ZNF423: variants seen among roughly 807,000 people sequenced by gnomAD.
The protein encoded by ZNF423 is Ebf-associated zinc finger protein.
A neutral mutation model predicts 95.8 loss-of-function variants in ZNF423; 12 were observed. That is an observed-to-expected ratio of 0.13 (90% confidence interval 0.08 to 0.20). The LOEUF (loss-of-function observed/expected upper bound fraction) is 0.20, where lower values mean the gene tolerates loss of function less well. Among genes scored for constraint, ZNF423 ranks in the 10% least tolerant of loss-of-function variants. The pLI is 1.00. For missense variants in ZNF423, 1,316 were observed against 1,737.1 expected, an observed-to-expected ratio of 0.76 and a Z score of 4.31; for synonymous variants, 749 against 711.9, an observed-to-expected ratio of 1.05 and a Z score of -0.83.
chr16:49,731,090 T>C, intron 2 of ZNF423, 119 bp from the exon 3 acceptor site: 4 of 1,153,100 alleles, frequency 3.5e-6, no homozygotes, highest in Non-Finnish European at 5.0e-6. Context: ...GGGTCCATTA[T>C]CCTTGACACC....
At chr16:49,615,232 C>A (rs1392526335) in intron 5 of ZNF423, among the ~76,000 whole-genome samples, 7 of 151,886 alleles carry the variant, frequency 4.6e-5, no homozygotes, top group African/African-American at 9.7e-5. Context: ...GGAGAGGGTG[C>A]AGGGTTGCCA....
At chr16:49,539,103 CA>C (rs1969159195) in intron 5 of ZNF423, among the ~76,000 whole-genome samples, 1 of 150,722 alleles carries the variant, frequency 6.6e-6, no homozygotes, top group Non-Finnish European at 1.5e-5. Context: ...CCTTCAGTGG[CA>C]GCAGGCACAG....
intron 5 of ZNF423, among the ~76,000 whole-genome samples, chr16:49,625,106 T>C (rs941379023): frequency 6.6e-6 from 1 of 152,122 alleles, no homozygotes; most frequent in Admixed American, 6.5e-5. Flanking sequence ...AGGCCAGGCG[T>C]GGTGGCTCAC....
intron 1 of ZNF423, among the ~76,000 whole-genome samples, chr16:49,825,637 A>C (rs2034997308): frequency 6.6e-6 from 1 of 152,158 alleles, no homozygotes. Context: ...GCAAGAAAAA[A>C]AAAATCTTTT....
intron 3 of ZNF423, among the ~76,000 whole-genome samples, chr16:49,647,931 T>TG (rs1973241213): frequency 6.6e-6 from 1 of 152,290 alleles, no homozygotes; most frequent in African/African-American, 2.4e-5. Flanking sequence ...GCTCTGGAAT[T>TG]GGGCAGCGAT....
intron 1 of ZNF423, 103 bp from the exon 2 acceptor site, chr16:49,789,649 T>G (rs1413345568): frequency 1.8e-6 from 2 of 1,118,764 alleles, no homozygotes; most frequent in Admixed American, 6.2e-5. Context: ...GGGTCCTTAT[T>G]ATAATACCCA....
intron 3 of ZNF423, among the ~76,000 whole-genome samples, chr16:49,666,448 A>G (rs1036390709): frequency 2.1e-4 from 32 of 152,246 alleles, no homozygotes; most frequent in African/African-American, 7.5e-4. Flanking sequence ...CACGTATTAA[A>G]CCAGCTACAT....
chr16:49,793,142 A>T (rs1462922198), intron 1 of ZNF423, among the ~76,000 whole-genome samples: 1 of 152,010 alleles, frequency 6.6e-6, no homozygotes. Flanking sequence ...CTACCCAGCA[A>T]TGAGTGTGAG....
At chr16:49,688,719 G>A (rs118189950) in intron 3 of ZNF423, among the ~76,000 whole-genome samples, 4 of 152,340 alleles carry the variant, frequency 2.6e-5, no homozygotes, top group East Asian at 3.9e-4. Context: ...TGTTATTCAC[G>A]TGATAAATGA....
chr16:49,636,494 G>A lies in ZNF423; in HGVS notation c.2682C>T (p.Tyr894=), dbSNP rs763145316. 2.6e-5 allele frequency: 42 copies of A among 1,613,584 alleles called. No homozygotes were observed. Among genetic ancestry groups the A allele is most frequent in the East Asian group, 4.5e-5 (2 of 44,890 alleles). The change falls in exon 4 of 8, where the codon TAC becomes TAT. Residue 894 remains tyrosine (Y), a synonymous_variant. Coordinates refer to ENST00000563137, the MANE Select transcript of ZNF423 (RefSeq NM_001379286.1). This position sits in a 1 kb window ranked among gnomAD's most constrained non-coding sequence, Gnocchi z 8.6. ...EDDVDASEPM[Y]GCDICGAAYT... ...AGGCCGCCCCACAGATGTCACAGCC[G>A]TACATGGGCTCCGACGCGTCCACGT...
intron 1 of ZNF423, chr16:49,822,660 C>T (rs2034959090): frequency 6.2e-7 from 1 of 1,609,258 alleles, no homozygotes; most frequent in South Asian, 1.1e-5. Flanking sequence ...CCAAGGCCTC[C>T]CCTGCTCACC....
intron 3 of ZNF423, among the ~76,000 whole-genome samples, chr16:49,653,040 A>T (rs1973470627): frequency 6.6e-6 from 1 of 152,220 alleles, no homozygotes; most frequent in Admixed American, 6.5e-5. Context: ...TGCTCTGTGA[A>T]TCAATAATAA....
At chr16:49,527,208 T>C (rs923820342) in intron 5 of ZNF423, among the ~76,000 whole-genome samples, 1 of 152,078 alleles carries the variant, frequency 6.6e-6, no homozygotes, top group Admixed American at 6.5e-5. Context: ...CTGCCCCACA[T>C]AGCCCACTGG....
chr16:49,503,110 A>G lies in ZNF423; in HGVS notation c.3850-11806T>C, dbSNP rs190027939. On this transcript the variant is annotated intron_variant, in intron 7 of 7. Transcript: ENST00000563137. ...ACCCCAGTCCTGACACTAACCATGT[A>G]GTGCTAAGCGGTCAGAGGCCAGTTA... Among the ~76,000 whole-genome samples, 3 of 152,030 alleles carry G rather than the reference A, an allele frequency of 2.0e-5. No homozygotes were observed. The East Asian group carries it at 5.8e-4, about 29-fold the overall frequency.
At chr16:49,678,398 C>T (rs1022327896) in intron 3 of ZNF423, among the ~76,000 whole-genome samples, 1 of 152,064 alleles carries the variant, frequency 6.6e-6, no homozygotes, top group Admixed American at 6.6e-5. Context: ...GGCGTTCGAG[C>T]TCTGTATCAG....
At position 49,621,543 on chromosome 16, in the gene ZNF423, G is replaced by T. The variant is rs192534707; in HGVS notation, c.3601+4627C>A. 9.7e-4 allele frequency among the ~76,000 whole-genome samples: 147 copies of T among 152,272 alleles called. 1 individual carries two copies. Among genetic ancestry groups the T allele is most frequent in the African/African-American group, 3.4e-3 (141 of 41,558 alleles). ...GCAGGGGAGCTCTCCAGCAGTCCGGGTCCCAGGGGAGGCCTGCCTCAGACC... is the reference window on the plus strand; with the variant it reads ...GCAGGGGAGCTCTCCAGCAGTCCGGTTCCCAGGGGAGGCCTGCCTCAGACC... On this transcript the variant is annotated intron_variant, in intron 5 of 7. Transcript: ENST00000563137.
intron 7 of ZNF423, among the ~76,000 whole-genome samples, chr16:49,509,099 C>T (rs1469691976): frequency 6.6e-6 from 1 of 152,140 alleles, no homozygotes; most frequent in Non-Finnish European, 1.5e-5. Flanking sequence ...CAGTTGTTCC[C>T]GTTTGACCGA....
Position 49,674,734 on chromosome 16 carries a change from C to T in ZNF423, c.302-35860G>A, listed in dbSNP as rs564106571. Among the ~76,000 whole-genome samples the T allele has an allele frequency of 2.0e-5, 3 of 152,294 alleles. No individual in the cohort carries two copies. In the East Asian group the frequency reaches 5.8e-4, roughly 29 times the overall value. On this transcript the variant is annotated intron_variant, in intron 3 of 7. Transcript: ENST00000563137. ...ACGGGGCTGCAGCCACAGGGATGCT[C>T]TGAGGCCTTGGAACAGATGGGAAGG...
In ZNF423 at chr16:49,726,856, C is replaced by CAAAAAAA. The variant is rs368675702; in HGVS notation, c.301+3908_301+3914dup. On this transcript the variant is annotated intron_variant, in intron 3 of 7. Coordinates refer to ENST00000563137, the MANE Select transcript of ZNF423 (RefSeq NM_001379286.1). ...ATTTAAAAGACAGAGTTCCCCCTAG[C>CAAAAAAA]AAAAAAAAAAAAAAAAAAAAAAAAA... Among the ~76,000 whole-genome samples, 258 of 94,712 alleles carry CAAAAAAA rather than the reference C, an allele frequency of 2.7e-3. 13 individuals carry two copies. Among genetic ancestry groups the CAAAAAAA allele is most frequent in the Middle Eastern group, 0.014 (2 of 138 alleles). The allele number at this position is 94,712 out of a possible 152,430, so 62.1% of individuals were successfully genotyped here. A position where few individuals can be genotyped will look rare whatever the true frequency, so the allele number is the denominator to read the frequency against.
Sources: allele counts gnomAD v4.1 joint callset (sites outside exome capture counted in the v4.1 genomes callset), GRCh38; gene constraint gnomAD v4.1.1; non-coding constraint Gnocchi (gnomAD v3.1); transcripts MANE v1.5; gene names NCBI Gene and HGNC (gene_info 2026-07-23, HGNC 2026-07-21).